The following LHX1 variants were observed in gnomAD, a reference collection of about 807,000 sequenced individuals.
The protein encoded by LHX1 is LIM homeobox 1.
LHX1 carries 9 observed loss-of-function variants against 34.1 expected under a neutral mutation model. That is an observed-to-expected ratio of 0.26 (90% CI 0.16 to 0.46). LHX1 has a LOEUF of 0.46. Ranked by LOEUF, LHX1 falls within the 20% of genes least tolerant of loss-of-function variation. LHX1 has a pLI of 1.00. For synonymous variants in LHX1, 254 were observed against 241.5 expected, an observed-to-expected ratio of 1.05 and a Z score of -0.48; for missense variants, 446 against 559.1, an observed-to-expected ratio of 0.80 and a Z score of 2.04.
chr17:36,942,282 G>A lies in LHX1; in HGVS notation c.758G>A (p.Arg253His). 6.3e-7 allele frequency: 1 copy of A among 1,596,812 alleles called. No individual in the cohort carries two copies. Among genetic ancestry groups the A allele is most frequent in the South Asian group, 1.1e-5 (1 of 88,450 alleles). ...ALGARRHAFFRSPRRMRPLVD... is the reference protein window; with the variant it reads ...ALGARRHAFFHSPRRMRPLVD... Reference sequence around the variant, plus strand: ...GGCGCCCGGCGCCACGCCTTCTTCCGCAGTCCGCGCCGGATGCGGCCGCTG... The same window carrying A: ...GGCGCCCGGCGCCACGCCTTCTTCCACAGTCCGCGCCGGATGCGGCCGCTG... Residue 253 changes from arginine to histidine, a missense_variant, in exon 4 of 5, where the codon CGC (arginine) becomes CAC (histidine). Physicochemically the swap from Arg to His is conservative, Grantham distance 29 (BLOSUM62 0). Around this residue, in one of 3 missense-constraint regions of LHX1, gnomAD observed 235 missense variants for 224.4 expected, o/e 1.05. Transcript: ENST00000614239.
chr17:36,938,981 C>T (rs919853790), intron 1 of LHX1, among the ~76,000 whole-genome samples: 4 of 152,186 alleles, frequency 2.6e-5, no homozygotes, highest in Admixed American at 6.5e-5. Context: ...GCGAAGTGCC[C>T]GGAGCTTTTT....
rs553740722 is a variant in LHX1 at position 36,942,188 on chromosome 17, C to A, written c.676-12C>A. 7 of 1,573,070 alleles carry A rather than the reference C, an allele frequency of 4.4e-6. No homozygotes were observed. In the East Asian group the frequency reaches 1.6e-4, roughly 36 times the overall value. On this transcript the variant is annotated splice_polypyrimidine_tract_variant and intron_variant, in intron 3 of 4. Coordinates refer to ENST00000614239, the MANE Select transcript of LHX1 (RefSeq NM_005568.5). ...AGTCTCGGTGGCCTCACCCCGCCGC[C>A]ATGTGCTGCAGGTCTGGTTCCAGAA...
In LHX1 at chr17:36,940,707, A is replaced by C. The variant is rs1429632939; in HGVS notation, c.495A>C (p.Glu165Asp). 1.9e-6 allele frequency: 3 copies of C among 1,613,638 alleles called. No individual in the cohort carries two copies. Among genetic ancestry groups the C allele is most frequent in the African/African-American group, 2.7e-5 (2 of 74,928 alleles). The change falls in exon 3 of 5, where the codon GAA becomes GAC. Residue 165 changes from glutamate to aspartate, a missense_variant. Transcript: ENST00000614239. ...DSESANVSDKEAGSNENDDQN... is the reference protein window; with the variant it reads ...DSESANVSDKDAGSNENDDQN... ...AGAGCGCCAACGTGTCGGACAAGGAAGCGGGTAGCAACGAGAATGACGACC... is the reference window on the plus strand; with the variant it reads ...AGAGCGCCAACGTGTCGGACAAGGACGCGGGTAGCAACGAGAATGACGACC...
At chr17:36,937,459 A>G (rs1031455428), upstream of LHX1, 14 of 323,610 alleles carry the variant, frequency 4.3e-5, no homozygotes, top group Non-Finnish European at 6.1e-5. Flanking sequence ...AACCTAAGCA[A>G]CAACAGCAAT....
In LHX1 at chr17:36,940,874, T is replaced by G; in HGVS notation, c.662T>G (p.Met221Arg). 6.2e-7 allele frequency: 1 copy of G among 1,601,354 alleles called. No homozygotes were observed. Among genetic ancestry groups the G allele is most frequent in the Non-Finnish European group, 8.5e-7 (1 of 1,176,202 alleles). Reference protein sequence around the residue: ...EQLAQETGLNMRVIQVWFQNR... With the variant: ...EQLAQETGLNRRVIQVWFQNR... ...CTGGCGCAGGAGACCGGCCTCAACA[T>G]GCGCGTCATTCAGGTCAGGCCCCGG... Residue 221 changes from methionine (M) to arginine (R), a missense_variant, in exon 3 of 5, where the codon ATG becomes AGG. By Grantham distance (91) the Met-to-Arg change is moderately conservative (BLOSUM62 -1). Coordinates refer to ENST00000614239, the MANE Select transcript of LHX1 (RefSeq NM_005568.5).
At position 36,940,272 on chromosome 17, in the gene LHX1, A is replaced by AC; in HGVS notation, c.171-13dup. On this transcript the variant is annotated splice_polypyrimidine_tract_variant and intron_variant, in intron 1 of 4. Transcript: ENST00000614239. ...TGACCCATCCCCGCCCCCGCCCCCC[A>AC]CCCCCACCCCCCCGCAGGTGTTTCG... is the stretch of plus-strand genomic sequence containing the variant. 7.2e-6 allele frequency: 2 copies of AC among 277,834 alleles called. No individual in the cohort carries two copies. Among genetic ancestry groups the AC allele is most frequent in the South Asian group, 3.2e-5 (1 of 30,778 alleles). The allele number at this position is 277,834 out of a possible 1,614,324, so 17.2% of individuals were successfully genotyped here.
chr17:36,938,411 G>C, intron 1 of LHX1, 44 bp downstream of exon 1: 1 of 1,588,716 alleles, frequency 6.3e-7, no homozygotes, highest in Non-Finnish European at 8.6e-7. Context: ...CTCCCCGCGG[G>C]CCCTTCCCGG....
chr17:36,941,049 T>C, intron 3 of LHX1, 162 bp downstream of exon 3: 1 of 1,093,806 alleles, frequency 9.1e-7, no homozygotes, highest in Non-Finnish European at 1.3e-6. Flanking sequence ...ATGAAATGCC[T>C]GATGCCTTCG....
At chr17:36,939,940 A>C in intron 1 of LHX1, 3 of 454,970 alleles carry the variant, frequency 6.6e-6, no homozygotes, top group East Asian at 4.0e-5. Context: ...CACACAGGTC[A>C]CTGCCTTGCC....
chr17:36,942,336 T>A lies in LHX1; in HGVS notation c.812T>A (p.Ile271Asn), dbSNP rs2070770919. The change falls in exon 4 of 5, where the codon ATC becomes AAC. Residue 271 changes from isoleucine to asparagine, a missense_variant. Around this residue, in one of 3 missense-constraint regions of LHX1, gnomAD observed 235 missense variants for 224.4 expected, o/e 1.05. Coordinates refer to ENST00000614239, the MANE Select transcript of LHX1 (RefSeq NM_005568.5). The stretch of plus-strand genomic sequence containing the variant: ...GACCGCCTGGAGCCGGGCGAGCTCA[T>A]CCCCAATGGTCCCTTCTCCTTCTAC... ...LVDRLEPGEL[I>N]PNGPFSFYGD... The A allele has an allele frequency of 6.3e-7, 1 of 1,588,730 alleles. No homozygotes were observed. The highest frequency in any genetic ancestry group is 1.3e-5 in the African/African-American group (1 of 74,570).
intron 1 of LHX1, 93 bp downstream of exon 1, chr17:36,938,460 A>T: frequency 7.6e-7 from 1 of 1,314,968 alleles, no homozygotes; most frequent in East Asian, 2.3e-5. Flanking sequence ...CTCGCTGCCC[A>T]GTTAGGAACT....
In LHX1 at chr17:36,942,762, C is replaced by G; in HGVS notation, c.852C>G (p.Ser284Arg). The G allele has an allele frequency of 2.0e-6, 3 of 1,525,026 alleles. No homozygotes were observed. The highest frequency in any genetic ancestry group is 2.6e-6 in the Non-Finnish European group (3 of 1,134,676). 94.5% of individuals were successfully genotyped at this position (1,525,026 alleles called of 1,614,324 possible). A position where few individuals can be genotyped will look rare whatever the true frequency, so the allele number is the denominator to read the frequency against. Residue 284 changes from serine (S) to arginine (R), a missense_variant, in exon 5 of 5, where the codon AGC becomes AGG. Physicochemically the swap from Ser to Arg is moderately radical, Grantham distance 110 (BLOSUM62 -1). Around this residue, in one of 3 missense-constraint regions of LHX1, gnomAD observed 235 missense variants for 224.4 expected, o/e 1.05. Transcript: ENST00000614239. ...GPFSFYGDYQ[S>R]EYYGPGGNYD... ...CCCGCCGCTCCGCAGATTACCAGAG[C>G]GAGTACTACGGGCCCGGGGGCAACT...
Position 36,943,182 on chromosome 17 carries a change from T to A in LHX1, c.*51T>A. ...TCGTGGTTGTACAGAAATGAACCTT[T>A]ATTTAAGAAAAATAGAAAAAAAAAA... On this transcript the variant is annotated 3_prime_UTR_variant, in exon 5 of 5. Transcript: ENST00000614239. 1 of 1,529,692 alleles carries A rather than the reference T, an allele frequency of 6.5e-7. No homozygotes were observed. The highest frequency in any genetic ancestry group is 8.7e-7 in the Non-Finnish European group (1 of 1,144,140). 94.8% of individuals were successfully genotyped at this position (1,529,692 alleles called of 1,614,324 possible).
rs981296887 is a variant in LHX1, at chr17:36,943,256, C to G, written c.*125C>G. On this transcript the variant is annotated 3_prime_UTR_variant, in exon 5 of 5. Coordinates refer to ENST00000614239, the MANE Select transcript of LHX1 (RefSeq NM_005568.5). The stretch of plus-strand genomic sequence containing the variant: ...CCTTCCTCCAGCCTCGAGAACCATT[C>G]TCCTTCTGGGGAGACCGGATGGAAA... 2 of 1,193,140 alleles carry G rather than the reference C, an allele frequency of 1.7e-6. No individual in the cohort carries two copies. The highest frequency in any genetic ancestry group is 3.1e-5 in the African/African-American group (2 of 64,630). 73.9% of individuals were successfully genotyped at this position (1,193,140 alleles called of 1,614,324 possible).
Position 36,943,665 on chromosome 17 carries a change from C to A in LHX1, c.*534C>A, listed in dbSNP as rs1597691099. ...CAGCGACAAAAAACTCTTATAGCTT[C>A]AGAAACGCCGACCTGCCGTGCATCA... On this transcript the variant is annotated 3_prime_UTR_variant, in exon 5 of 5. Coordinates refer to ENST00000614239, the MANE Select transcript of LHX1 (RefSeq NM_005568.5). The A allele has an allele frequency of 6.6e-6, 1 of 152,596 alleles. No individual in the cohort carries two copies. Among genetic ancestry groups the A allele is most frequent in the South Asian group, 2.1e-4 (1 of 4,832 alleles). 9.5% of individuals were successfully genotyped at this position (152,596 alleles called of 1,614,324 possible). A position where few individuals can be genotyped will look rare whatever the true frequency, so the allele number is the denominator to read the frequency against.
chr17:36,943,363 G>A lies in LHX1; in HGVS notation c.*232G>A. 2 of 528,390 alleles carry A rather than the reference G, an allele frequency of 3.8e-6. No individual in the cohort carries two copies. The highest frequency in any genetic ancestry group is 3.3e-6 in the Non-Finnish European group (1 of 304,594). The allele number at this position is 528,390 out of a possible 1,614,324, so 32.7% of individuals were successfully genotyped here. A position where few individuals can be genotyped will look rare whatever the true frequency, so the allele number is the denominator to read the frequency against. On this transcript the variant is annotated 3_prime_UTR_variant, in exon 5 of 5. Transcript: ENST00000614239. Reference sequence around the variant, plus strand: ...CTGGCTGTCGACGTGCAGAACTGGGGCTCCCCAAAGGAAACGCAGACCTCT... The same window carrying A: ...CTGGCTGTCGACGTGCAGAACTGGGACTCCCCAAAGGAAACGCAGACCTCT...
In LHX1 at chr17:36,938,159, C is replaced by T. The variant is rs778041273; in HGVS notation, c.-39C>T. 1 of 1,486,908 alleles carries T rather than the reference C, an allele frequency of 6.7e-7. No individual in the cohort carries two copies. Among genetic ancestry groups the T allele is most frequent in the South Asian group, 1.2e-5 (1 of 85,966 alleles). The allele number at this position is 1,486,908 out of a possible 1,614,324, so 92.1% of individuals were successfully genotyped here. A position where few individuals can be genotyped will look rare whatever the true frequency, so the allele number is the denominator to read the frequency against. Reference sequence around the variant, plus strand: ...TCATCCCCTGGGCTCTACTTTGCCCCTCTCTCTCTCTGGGCCTCATCAGAC... The same window carrying T: ...TCATCCCCTGGGCTCTACTTTGCCCTTCTCTCTCTCTGGGCCTCATCAGAC... On this transcript the variant is annotated 5_prime_UTR_variant, in exon 1 of 5. Transcript: ENST00000614239.
intron 3 of LHX1, chr17:36,941,236 T>A: frequency 5.4e-6 from 3 of 558,750 alleles, no homozygotes; most frequent in South Asian, 5.2e-5. Flanking sequence ...GTCAGAGAAG[T>A]CTCAGTGTCC....
Position 36,943,158 on chromosome 17 carries a change from C to A in LHX1, c.*27C>A, listed in dbSNP as rs1207029831. 6.2e-7 allele frequency: 1 copy of A among 1,606,362 alleles called. No individual in the cohort carries two copies. The highest frequency in any genetic ancestry group is 1.3e-5 in the African/African-American group (1 of 74,268). On this transcript the variant is annotated 3_prime_UTR_variant, in exon 5 of 5. Coordinates refer to ENST00000614239, the MANE Select transcript of LHX1 (RefSeq NM_005568.5). ...GGGGTCTCGCACGGTCTGCGGAGTT[C>A]GTGGTTGTACAGAAATGAACCTTTA...
Sources: allele counts gnomAD v4.1 joint callset (sites outside exome capture counted in the v4.1 genomes callset), GRCh38; gene constraint gnomAD v4.1.1; regional missense constraint gnomAD v4.1.1; transcripts MANE v1.5; gene names NCBI Gene and HGNC (gene_info 2026-07-23, HGNC 2026-07-21).